The following SAMMSON variants were observed in gnomAD, a reference collection of about 807,000 sequenced individuals.
SAMMSON encodes long intergenic non-protein coding RNA 1212.
intron 3 of SAMMSON, among the ~76,000 whole-genome samples, chr3:70,065,648 T>C (rs1436657028): frequency 1.3e-5 from 2 of 152,152 alleles, no homozygotes; most frequent in South Asian, 2.1e-4. Context: ...TATGGTACCG[T>C]CTAGAGACAT....
intron 3 of SAMMSON, among the ~76,000 whole-genome samples, chr3:70,061,733 C>T (rs980744548): frequency 6.6e-6 from 1 of 152,128 alleles, no homozygotes; most frequent in African/African-American, 2.4e-5. Context: ...CATCTACCCA[C>T]GGCTACATTC....
chr3:70,079,075 A>G (rs1479114763), intron 4 of SAMMSON, among the ~76,000 whole-genome samples: 2 of 152,176 alleles, frequency 1.3e-5, no homozygotes, highest in Non-Finnish European at 2.9e-5. Context: ...GAGACCGCAA[A>G]GCAGAAAATA....
intron 3 of SAMMSON, among the ~76,000 whole-genome samples, chr3:70,047,992 A>G (rs1374757753): frequency 1.3e-5 from 2 of 152,090 alleles, no homozygotes; most frequent in African/African-American, 4.8e-5. Flanking sequence ...TAAGTTTTCA[A>G]CACATGGATT....
intron 4 of SAMMSON, among the ~76,000 whole-genome samples, chr3:70,189,957 G>T (rs1459845603): frequency 6.6e-6 from 1 of 152,156 alleles, no homozygotes; most frequent in Non-Finnish European, 1.5e-5. Context: ...ATATGGCCAA[G>T]AATTGGATTT....
intron 4 of SAMMSON, among the ~76,000 whole-genome samples, chr3:70,152,031 A>C (rs1336352925): frequency 6.6e-6 from 1 of 152,030 alleles, no homozygotes. Flanking sequence ...GTGTTTATAA[A>C]ATTCTAAACA....
At chr3:70,227,719 A>G (rs1290465193) in intron 4 of SAMMSON, among the ~76,000 whole-genome samples, 1 of 152,208 alleles carries the variant, frequency 6.6e-6, no homozygotes, top group Non-Finnish European at 1.5e-5. Context: ...CTTTCAATGA[A>G]TAAGCTCTGA....
intron 4 of SAMMSON, among the ~76,000 whole-genome samples, chr3:70,106,050 G>A (rs984746075): frequency 4.6e-5 from 7 of 152,176 alleles, no homozygotes; most frequent in Non-Finnish European, 1.0e-4. Context: ...GCAAGAAACA[G>A]TGATTTGAGA....
chr3:70,274,226 T>C (rs908390365), intron 6 of SAMMSON, among the ~76,000 whole-genome samples: 1 of 151,934 alleles, frequency 6.6e-6, no homozygotes, highest in Non-Finnish European at 1.5e-5. Flanking sequence ...AGACAATTGA[T>C]ATGTTTTAAT....
intron 3 of SAMMSON, among the ~76,000 whole-genome samples, chr3:70,031,509 C>A: frequency 6.6e-6 from 1 of 152,120 alleles, no homozygotes; most frequent in African/African-American, 2.4e-5. Context: ...CTGAATTGTA[C>A]ACTTACAATT....
At chr3:70,042,236 A>T (rs2067108965) in intron 3 of SAMMSON, among the ~76,000 whole-genome samples, 1 of 152,116 alleles carries the variant, frequency 6.6e-6, no homozygotes, top group Non-Finnish European at 1.5e-5. Context: ...TTGGGATCTC[A>T]CTAGAAAGCC....
At chr3:70,173,087 T>C (rs962662796) in intron 4 of SAMMSON, among the ~76,000 whole-genome samples, 6 of 151,936 alleles carry the variant, frequency 3.9e-5, no homozygotes, top group African/African-American at 1.4e-4. Flanking sequence ...AATTATTGCT[T>C]GCATACTTGA....
intron 4 of SAMMSON, among the ~76,000 whole-genome samples, chr3:70,115,482 C>T (rs748867388): frequency 1.3e-5 from 2 of 152,114 alleles, no homozygotes; most frequent in South Asian, 2.1e-4. Flanking sequence ...GACATACTTA[C>T]GTATCTAGTT....
intron 4 of SAMMSON, among the ~76,000 whole-genome samples, chr3:70,242,107 A>C (rs1156686686): frequency 1.3e-5 from 2 of 152,194 alleles, no homozygotes; most frequent in Non-Finnish European, 2.9e-5. Context: ...TGCTATTGTG[A>C]CATATGTATA....
At chr3:70,015,486 GA>G (rs2066979800) in intron 3 of SAMMSON, among the ~76,000 whole-genome samples, 1 of 151,804 alleles carries the variant, frequency 6.6e-6, no homozygotes, top group African/African-American at 2.4e-5. Context: ...TGGTAATTGA[GA>G]CATTACTTAG....
chr3:70,409,487 G>T (rs953607810), intron 2 of SAMMSON, among the ~76,000 whole-genome samples: 5 of 151,542 alleles, frequency 3.3e-5, no homozygotes, highest in Non-Finnish European at 7.4e-5. Flanking sequence ...AAGAATTAGA[G>T]AAAAACTTTA....
At chr3:70,029,036 T>A (rs948807596) in intron 3 of SAMMSON, among the ~76,000 whole-genome samples, 9 of 152,170 alleles carry the variant, frequency 5.9e-5, no homozygotes, top group Non-Finnish European at 1.0e-4. Flanking sequence ...GACTCCTGTG[T>A]CCATGAGCTA....
chr3:70,131,406 C>G (rs1186855543), intron 4 of SAMMSON, among the ~76,000 whole-genome samples: 1 of 152,176 alleles, frequency 6.6e-6, no homozygotes, highest in African/African-American at 2.4e-5. Flanking sequence ...TCCCTGCTAT[C>G]TCATTGTAAG....
chr3:70,299,601 C>T (rs879364155), intron 7 of SAMMSON, among the ~76,000 whole-genome samples: 2 of 152,076 alleles, frequency 1.3e-5, no homozygotes, highest in African/African-American at 2.4e-5. Context: ...TCTTGGGTGC[C>T]AGCCCTTTGT....
intron 4 of SAMMSON, among the ~76,000 whole-genome samples, chr3:70,150,529 G>C (rs561470978): frequency 6.6e-6 from 1 of 152,124 alleles, no homozygotes; most frequent in South Asian, 2.1e-4. Context: ...AAGCTTGGAG[G>C]AGTTGAACCA....
Sources: gnomAD v4.1 joint callset for allele counts (sites outside exome capture counted in the v4.1 genomes callset) on GRCh38, gnomAD v4.1.1 for gene constraint, MANE v1.5 for transcripts, NCBI Gene and HGNC (gene_info 2026-07-23, HGNC 2026-07-21) for gene names.